MAP4K3: variants seen among roughly 807,000 people sequenced by gnomAD.
MAP4K3 encodes MAPK/ERK kinase kinase kinase 3.
In MAP4K3, 94 loss-of-function variants were observed where a neutral mutation model predicts 143.5. That is an observed-to-expected ratio of 0.65 (90% CI 0.55 to 0.78). The LOEUF (loss-of-function observed/expected upper bound fraction) is 0.78, where lower values mean the gene tolerates loss of function less well. MAP4K3 is among the 30% of genes least tolerant of loss of function. The pLI is 0.00. For missense variants in MAP4K3, 1,077 were observed against 1,068.1 expected, an observed-to-expected ratio of 1.01 and a Z score of -0.12; for synonymous variants, 416 against 347.2, an observed-to-expected ratio of 1.20 and a Z score of -2.20.
At chr2:39,336,571 C>T (rs990688244) in intron 6 of MAP4K3, among the ~76,000 whole-genome samples, 11 of 149,640 alleles carry the variant, frequency 7.4e-5, no homozygotes, top group Admixed American at 5.3e-4. Context: ...CTTAAGACTG[C>T]GAAAGCTCAC....
At chr2:39,385,657 T>C (rs1417365294) in intron 1 of MAP4K3, among the ~76,000 whole-genome samples, 1 of 148,452 alleles carries the variant, frequency 6.7e-6, no homozygotes, top group Non-Finnish European at 1.5e-5. Context: ...GAGACGAAGT[T>C]TCACTCTTAT....
intron 1 of MAP4K3, among the ~76,000 whole-genome samples, chr2:39,431,284 G>A (rs1665277367): frequency 6.6e-6 from 1 of 152,218 alleles, no homozygotes; most frequent in South Asian, 2.1e-4. Flanking sequence ...GGGAGCCAGG[G>A]AGTCATCAGA....
intron 2 of MAP4K3, among the ~76,000 whole-genome samples, chr2:39,365,724 G>A (rs1455329166): frequency 6.6e-5 from 10 of 152,054 alleles, no homozygotes; most frequent in African/African-American, 1.7e-4. Flanking sequence ...GATTACAGGC[G>A]TGAGCCACCG....
At chr2:39,325,455 G>T in intron 12 of MAP4K3, 63 bp downstream of exon 12, 1 of 1,106,082 alleles carries the variant, frequency 9.0e-7, no homozygotes, top group Non-Finnish European at 1.3e-6. Context: ...CGTACATACA[G>T]ACACACATAT....
chr2:39,351,414 T>C (rs890209571), intron 3 of MAP4K3, among the ~76,000 whole-genome samples: 2 of 152,242 alleles, frequency 1.3e-5, no homozygotes, highest in East Asian at 3.8e-4. Flanking sequence ...CTTCTGTGCC[T>C]TACTTCTAAA....
chr2:39,340,938 G>C lies in MAP4K3; in HGVS notation c.310+2450C>G, dbSNP rs533461545. 2.0e-5 allele frequency among the ~76,000 whole-genome samples: 3 copies of C among 151,786 alleles called. No homozygotes were observed. The East Asian group carries it at 5.8e-4, about 29-fold the overall frequency. On this transcript the variant is annotated intron_variant, in intron 4 of 33. Coordinates refer to ENST00000263881, the MANE Select transcript of MAP4K3 (RefSeq NM_003618.4). ...GGTAAATAGGAAATTGAGTTGAAGAGACATGAAGACCTACTGTACATCTAA... is the reference window on the plus strand; with the variant it reads ...GGTAAATAGGAAATTGAGTTGAAGACACATGAAGACCTACTGTACATCTAA...
At chr2:39,385,047 T>G (rs1200493457) in intron 1 of MAP4K3, among the ~76,000 whole-genome samples, 1 of 152,222 alleles carries the variant, frequency 6.6e-6, no homozygotes, top group Admixed American at 6.5e-5. Flanking sequence ...ATATCATTAG[T>G]TTATTCCTTT....
At chr2:39,295,658 G>C (rs1682243798) in intron 16 of MAP4K3, among the ~76,000 whole-genome samples, 1 of 150,646 alleles carries the variant, frequency 6.6e-6, no homozygotes, top group South Asian at 2.1e-4. Flanking sequence ...TTGAATACAG[G>C]AAGATAATTT....
intron 33 of MAP4K3, among the ~76,000 whole-genome samples, 165 bp from the exon 34 acceptor site, chr2:39,250,870 C>T (rs1680129033): frequency 6.6e-6 from 1 of 152,190 alleles, no homozygotes; most frequent in East Asian, 1.9e-4. Flanking sequence ...CCAGTTCTAG[C>T]TCTGGGAAGT....
intron 20 of MAP4K3, 54 bp downstream of exon 20, chr2:39,288,066 TC>T: frequency 6.3e-7 from 1 of 1,584,704 alleles, no homozygotes; most frequent in Non-Finnish European, 8.6e-7. Context: ...AAGTTTTTTT[TC>T]TCCCCATAGT....
intron 12 of MAP4K3, chr2:39,323,783 A>G (rs540191721): frequency 6.6e-6 from 1 of 152,256 alleles, no homozygotes; most frequent in East Asian, 1.9e-4. Flanking sequence ...AAGTGCATGA[A>G]AAGTTCATTA....
At chr2:39,403,658 G>A (rs1006257099) in intron 1 of MAP4K3, among the ~76,000 whole-genome samples, 3 of 152,004 alleles carry the variant, frequency 2.0e-5, no homozygotes, top group Non-Finnish European at 4.4e-5. Context: ...AGGCAGTCTA[G>A]GCCACAAGGA....
chr2:39,415,391 C>T (rs554529740), intron 1 of MAP4K3, among the ~76,000 whole-genome samples: 1 of 152,230 alleles, frequency 6.6e-6, no homozygotes, highest in South Asian at 2.1e-4. Flanking sequence ...TAAGTAAGTA[C>T]AATCTAGTTT....
At position 39,288,270 on chromosome 2, in the gene MAP4K3, A is replaced by T; in HGVS notation, c.1325T>A (p.Ile442Asn). 2 of 1,613,790 alleles carry T rather than the reference A, an allele frequency of 1.2e-6. No homozygotes were observed. The highest frequency in any genetic ancestry group is 1.7e-6 in the Non-Finnish European group (2 of 1,179,760). ...AGAATGCATTTCCTGTGGTATGAAG[A>T]TAGACTTAGGCTGAAATAATATAGA... ...PPPLPPKPKS[I>N]FIPQEMHSTE... The change falls in exon 20 of 34, where the codon ATC becomes AAC. Residue 442 changes from isoleucine (I) to asparagine (N), a missense_variant. Ile to Asn is a moderately radical substitution (Grantham distance 149). Around this residue, in one of 2 missense-constraint regions of MAP4K3, gnomAD observed 864 missense variants for 801.2 expected, o/e 1.08. Coordinates refer to ENST00000263881, the MANE Select transcript of MAP4K3 (RefSeq NM_003618.4).
At chr2:39,333,491 A>C (rs1391846342) in intron 7 of MAP4K3, 41 bp downstream of exon 7, 2 of 1,484,166 alleles carry the variant, frequency 1.3e-6, no homozygotes, top group African/African-American at 2.8e-5. Flanking sequence ...ACTATATCTT[A>C]GAATAGATTT....
intron 1 of MAP4K3, among the ~76,000 whole-genome samples, chr2:39,394,350 A>T (rs1666748093): frequency 6.6e-6 from 1 of 152,226 alleles, no homozygotes; most frequent in African/African-American, 2.4e-5. Context: ...AGCAAGCCTG[A>T]AATGAGGACA....
At position 39,262,903 on chromosome 2, in the gene MAP4K3, G is replaced by A. The variant is rs58822080; in HGVS notation, c.2137-2126C>T. On this transcript the variant is annotated intron_variant, in intron 28 of 33. Coordinates refer to ENST00000263881, the MANE Select transcript of MAP4K3 (RefSeq NM_003618.4). ...GTGGATCACCTGAGGTCAGGAGTTC[G>A]AGACCAGCCTAGCCAAGATGGTGAA... Among the ~76,000 whole-genome samples, 711 of 152,092 alleles carry A rather than the reference G, an allele frequency of 4.7e-3. 11 individuals are homozygous for A. Among genetic ancestry groups the A allele is most frequent in the African/African-American group, 0.016 (678 of 41,502 alleles).
At chr2:39,394,907 C>T (rs1558685531) in intron 1 of MAP4K3, among the ~76,000 whole-genome samples, 1 of 152,078 alleles carries the variant, frequency 6.6e-6, no homozygotes, top group Non-Finnish European at 1.5e-5. Flanking sequence ...CTTTCCTGTG[C>T]ATCAGAAGGA....
chr2:39,413,923 C>T (rs185539547), intron 1 of MAP4K3, among the ~76,000 whole-genome samples: 2 of 152,198 alleles, frequency 1.3e-5, no homozygotes, highest in Admixed American at 1.3e-4. Flanking sequence ...TTCCTTTCCT[C>T]CTCATATCAA....
Sources: gnomAD v4.1 joint callset for allele counts (sites outside exome capture counted in the v4.1 genomes callset) on GRCh38, gnomAD v4.1.1 for gene constraint, gnomAD v4.1.1 regional missense constraint, MANE v1.5 for transcripts, NCBI Gene and HGNC (gene_info 2026-07-23, HGNC 2026-07-21) for gene names.